The following DST variants were observed in gnomAD, a reference collection of about 807,000 sequenced individuals.
The protein encoded by DST is bullous pemphigoid antigen.
In DST, 253 loss-of-function variants were observed where a neutral mutation model predicts 875.2. The ratio of observed to expected loss-of-function variants is 0.29; its 90% CI spans 0.26 to 0.32. The LOEUF is 0.32. DST is among the 10% of genes least tolerant of loss of function. The pLI is 1.00. For missense variants in DST, 8,287 were observed against 9,111.6 expected (o/e 0.91, Z 3.68); for synonymous variants, 3,124 against 3,197.1 (o/e 0.98, Z 0.77).
intron 5 of DST, among the ~76,000 whole-genome samples, chr6:56,715,874 T>A (rs1197152122): frequency 6.6e-6 from 1 of 152,182 alleles, no homozygotes; most frequent in Non-Finnish European, 1.5e-5. Flanking sequence ...TTATTGCCCC[T>A]CTAAAATTTC....
At chr6:56,946,653 TG>T (rs1046771792) in intron 2 of DST, among the ~76,000 whole-genome samples, 3 of 152,148 alleles carry the variant, frequency 2.0e-5, no homozygotes, top group African/African-American at 7.2e-5. Flanking sequence ...TTCATTGGAC[TG>T]GGAAGGAAGG....
Position 56,603,819 on chromosome 6 carries a change from A to G in DST, c.10791+18T>C. 1 of 1,599,788 alleles carries G rather than the reference A, an allele frequency of 6.3e-7. No homozygotes were observed. The highest frequency in any genetic ancestry group is 1.1e-5 in the South Asian group (1 of 89,290). On this transcript the variant is annotated intron_variant, in intron 40 of 103. Transcript: ENST00000680361. The stretch of plus-strand genomic sequence containing the variant: ...GTTCATGCAGCTTTTTCTGTATAAA[A>G]TGTATAGGTCAACTTACTTGTTCGG...
Position 56,843,110 on chromosome 6 carries a change from G to T in DST, c.625+8287C>A. On this transcript the variant is annotated intron_variant, in intron 4 of 103. Coordinates refer to ENST00000680361, the MANE Select transcript of DST (RefSeq NM_001374736.1). ...CCTGGAGATACTCCTGCTCCTCCACGTACAGGTAAGCAGCAGGGGAGAGGT... is the reference window on the plus strand; with the variant it reads ...CCTGGAGATACTCCTGCTCCTCCACTTACAGGTAAGCAGCAGGGGAGAGGT... 1 of 1,572,232 alleles carries T rather than the reference G, an allele frequency of 6.4e-7. No individual in the cohort carries two copies. Among genetic ancestry groups the T allele is most frequent in the African/African-American group, 1.3e-5 (1 of 74,426 alleles).
rs199836343 is a variant in DST, at chr6:56,536,940, C to G, written c.16609G>C (p.Val5537Leu). ...GGTTCAATCTCTTCTTTCTGGAATACCTGCAGTTAAAAGAGTAATAATTAT... is the reference window on the plus strand; with the variant it reads ...GGTTCAATCTCTTCTTTCTGGAATAGCTGCAGTTAAAAGAGTAATAATTAT... ...TINQQLNMFK[V>L]FQKEEIEPLQ... The change falls in exon 62 of 104, where the codon GTA becomes CTA. Residue 5537 changes from valine (V) to leucine (L), a missense_variant and splice_region_variant. By Grantham distance (32) the Val-to-Leu change is conservative (BLOSUM62 1). Coordinates refer to ENST00000680361, the MANE Select transcript of DST (RefSeq NM_001374736.1). 4 of 1,613,286 alleles carry G rather than the reference C, an allele frequency of 2.5e-6. No individual in the cohort carries two copies. The South Asian group carries it at 4.4e-5, about 18-fold the overall frequency.
At chr6:56,841,375 G>A (rs1476870688) in intron 4 of DST, among the ~76,000 whole-genome samples, 1 of 152,148 alleles carries the variant, frequency 6.6e-6, no homozygotes, top group Non-Finnish European at 1.5e-5. Flanking sequence ...GTAAAAATGA[G>A]GAAAACTCCC....
intron 4 of DST, among the ~76,000 whole-genome samples, chr6:56,747,624 CTT>C (rs1474701856): frequency 9.2e-5 from 14 of 152,326 alleles, no homozygotes; most frequent in Admixed American, 2.6e-4. Context: ...TTCTGCAACT[CTT>C]AATCTGTAAC....
At chr6:56,905,313 G>C (rs1314575460) in intron 2 of DST, among the ~76,000 whole-genome samples, 1 of 152,260 alleles carries the variant, frequency 6.6e-6, no homozygotes, top group South Asian at 2.1e-4. Context: ...GCACAATACA[G>C]TATTGTTAAC....
intron 50 of DST, among the ~76,000 whole-genome samples, chr6:56,574,861 T>C (rs2097842147): frequency 6.6e-6 from 1 of 152,224 alleles, no homozygotes; most frequent in South Asian, 2.1e-4. Flanking sequence ...TTTAGTCTTA[T>C]ACATTGTAGA....
intron 55 of DST, among the ~76,000 whole-genome samples, chr6:56,565,437 A>G (rs1288156357): frequency 1.3e-5 from 2 of 151,758 alleles, no homozygotes; most frequent in Non-Finnish European, 2.9e-5. Flanking sequence ...CTCTTTTTCT[A>G]TTGTTTGGAA....
At chr6:56,816,913 T>C (rs1048700740) in intron 4 of DST, among the ~76,000 whole-genome samples, 17 of 151,958 alleles carry the variant, frequency 1.1e-4, no homozygotes, top group Non-Finnish European at 2.9e-5. Context: ...TGTTTAAAAT[T>C]CTCTCCTGAA....
chr6:56,607,651 A>C lies in DST; in HGVS notation c.6977T>G (p.Ile2326Arg). The C allele has an allele frequency of 6.2e-7, 1 of 1,613,466 alleles. No individual in the cohort carries two copies. The highest frequency in any genetic ancestry group is 2.2e-5 in the East Asian group (1 of 44,850). ...FSQSGKLAST[I>R]SIDPKVNSSP... ...ACTGTTAACTTTAGGATCAATTGAT[A>C]TTGTACTTGCCAGTTTTCCTGACTG... is the stretch of plus-strand genomic sequence containing the variant. Residue 2326 changes from isoleucine to arginine, a missense_variant, in exon 40 of 104, where the codon ATA becomes AGA. Around this residue, in one of 10 missense-constraint regions of DST, gnomAD observed 3,138 missense variants for 3,116.6 expected, o/e 1.01. Coordinates refer to ENST00000680361, the MANE Select transcript of DST (RefSeq NM_001374736.1).
intron 78 of DST, among the ~76,000 whole-genome samples, chr6:56,502,498 G>C (rs947006535): frequency 6.6e-6 from 1 of 152,020 alleles, no homozygotes; most frequent in Non-Finnish European, 1.5e-5. Context: ...GTAAGCTAAA[G>C]ACATAGGAGT....
chr6:56,629,999 T>C (rs1306300839), intron 31 of DST, among the ~76,000 whole-genome samples: 1 of 152,210 alleles, frequency 6.6e-6, no homozygotes, highest in Non-Finnish European at 1.5e-5. Context: ...CTTCGACTCC[T>C]CCTGCTGCCA....
chr6:56,837,944 G>A (rs991792424), intron 4 of DST, among the ~76,000 whole-genome samples: 4 of 128,740 alleles, frequency 3.1e-5, no homozygotes, highest in African/African-American at 1.1e-4. Flanking sequence ...TGAATAAGAA[G>A]GGGTCTCATT....
intron 90 of DST, among the ~76,000 whole-genome samples, chr6:56,480,816 A>G (rs2095377041): frequency 1.3e-5 from 2 of 152,112 alleles, no homozygotes; most frequent in African/African-American, 4.8e-5. Context: ...AGGGTGTTAG[A>G]TATGCACAAT....
rs1413343067 is a variant in DST, at chr6:56,624,595, C to A, written c.4864G>T (p.Val1622Phe). ...TTAATATATTGTGTCATGAGAGTGA[C>A]CAGGGCAGTATATCGAGTCCTTAGG... The part of the protein sequence containing the change: ...MDLRTRYTAL[V>F]TLMTQYIKFA... Residue 1622 changes from valine to phenylalanine, a missense_variant, in exon 36 of 104, where the codon GTC becomes TTC. This residue lies in a region of DST where 3,138 missense variants were observed against 3,116.6 expected (regional missense o/e 1.01). Transcript: ENST00000680361. 3.7e-6 allele frequency: 6 copies of A among 1,613,072 alleles called. No individual in the cohort carries two copies. In the African/African-American group the frequency reaches 8.0e-5, roughly 22 times the overall value.
At chr6:56,727,056 G>A (rs1455635527) in intron 5 of DST, among the ~76,000 whole-genome samples, 1 of 152,150 alleles carries the variant, frequency 6.6e-6, no homozygotes, top group Non-Finnish European at 1.5e-5. Context: ...AAGTCAAGCT[G>A]GGAACTGCTT....
intron 73 of DST, among the ~76,000 whole-genome samples, chr6:56,510,212 T>A (rs7743011): frequency 6.6e-6 from 1 of 151,954 alleles, no homozygotes; most frequent in African/African-American, 2.4e-5. Flanking sequence ...CATCCTGTTA[T>A]CATAATTCAA....
intron 9 of DST, among the ~76,000 whole-genome samples, chr6:56,674,544 G>T (rs755833727): frequency 3.9e-5 from 6 of 152,042 alleles, no homozygotes; most frequent in Non-Finnish European, 7.4e-5. Flanking sequence ...TGATTCACCC[G>T]CTTCGGCCTC....
Sources: allele counts gnomAD v4.1 joint callset (sites outside exome capture counted in the v4.1 genomes callset), GRCh38; gene constraint gnomAD v4.1.1; regional missense constraint gnomAD v4.1.1; transcripts MANE v1.5; gene names NCBI Gene and HGNC (gene_info 2026-07-23, HGNC 2026-07-21).